Variants in ITPR2 observed in about 807,000 individuals in gnomAD.
The protein encoded by ITPR2 is inositol 1,4,5-trisphosphate-gated calcium channel ITPR2.
A neutral mutation model predicts 317.1 loss-of-function variants in ITPR2; 207 were observed. The ratio of observed to expected loss-of-function variants is 0.65; its 90% confidence interval spans 0.58 to 0.73. ITPR2 has a LOEUF of 0.73. Ranked by LOEUF, ITPR2 falls within the 30% of genes least tolerant of loss-of-function variation. The pLI, the probability that ITPR2 is intolerant of heterozygous loss-of-function variation, is 0.00. For synonymous variants in ITPR2, 1,156 were observed against 1,149.1 expected, an observed-to-expected ratio of 1.01 and a Z score of -0.12; for missense variants, 2,613 against 3,284.0, an observed-to-expected ratio of 0.80 and a Z score of 4.99.
chr12:26,817,330 CAA>C (rs1950876472), intron 1 of ITPR2, among the ~76,000 whole-genome samples: 1 of 151,916 alleles, frequency 6.6e-6, no homozygotes, highest in Non-Finnish European at 1.5e-5. Context: ...TGTGAGCAAA[CAA>C]AAGAGAAACT....
At position 26,597,137 on chromosome 12, in the gene ITPR2, G is replaced by A; in HGVS notation, c.4003-3C>T. 6.2e-7 allele frequency: 1 copy of A among 1,613,362 alleles called. No homozygotes were observed. Among genetic ancestry groups the A allele is most frequent in the Non-Finnish European group, 8.5e-7 (1 of 1,179,820 alleles). ...ACGTCTTCACCCCCATTTATCAACT[G>A]AAATGATAATAAGAGAGTCTATGTA... On this transcript the variant is annotated splice_polypyrimidine_tract_variant and splice_region_variant and intron_variant, in intron 30 of 56. Coordinates refer to ENST00000381340, the MANE Select transcript of ITPR2 (RefSeq NM_002223.4).
chr12:26,354,326 G>A (rs1431771212), intron 55 of ITPR2, among the ~76,000 whole-genome samples: 1 of 152,102 alleles, frequency 6.6e-6, no homozygotes, highest in Non-Finnish European at 1.5e-5. Context: ...CCTTTTGATA[G>A]TATATTTTTA....
At chr12:26,583,565 G>C (rs571216166) in intron 32 of ITPR2, among the ~76,000 whole-genome samples, 21 of 152,130 alleles carry the variant, frequency 1.4e-4, no homozygotes, top group African/African-American at 4.8e-4. Flanking sequence ...TTTTATTCTA[G>C]TTTTTAACTC....
At chr12:26,462,690 G>A in intron 45 of ITPR2, among the ~76,000 whole-genome samples, 1 of 66,632 alleles carries the variant, frequency 1.5e-5, no homozygotes, top group African/African-American at 5.8e-5. Context: ...TTTTTTTTTT[G>A]AGACAGAGTT....
At chr12:26,796,981 G>C (rs781688592) in intron 1 of ITPR2, among the ~76,000 whole-genome samples, 1 of 152,116 alleles carries the variant, frequency 6.6e-6, no homozygotes, top group Non-Finnish European at 1.5e-5. Context: ...AGGTTGCAGT[G>C]AGCTGATATC....
At chr12:26,604,308 C>T (rs1946071608) in intron 26 of ITPR2, among the ~76,000 whole-genome samples, 1 of 152,170 alleles carries the variant, frequency 6.6e-6, no homozygotes, top group Non-Finnish European at 1.5e-5. Flanking sequence ...TTCACTTTAA[C>T]AAGTGACCCC....
rs559442533 is a variant in ITPR2 at position 26,640,797 on chromosome 12, G to A, written c.2741-8738C>T. On this transcript the variant is annotated intron_variant, in intron 21 of 56. Transcript: ENST00000381340. ...TTCAAATGCATAAATGCTTTATAAG[G>A]CATGTCACACACATTCATCCTAACG... 4.6e-5 allele frequency among the ~76,000 whole-genome samples: 7 copies of A among 152,232 alleles called. No homozygotes were observed. The South Asian group carries it at 1.5e-3, about 32-fold the overall frequency.
intron 48 of ITPR2, among the ~76,000 whole-genome samples, chr12:26,434,472 G>T (rs1180347659): frequency 6.6e-6 from 1 of 152,072 alleles, no homozygotes; most frequent in Non-Finnish European, 1.5e-5. Flanking sequence ...TGCCCAGAGG[G>T]GTGGCATTTC....
rs184267183 is a variant in ITPR2, at chr12:26,716,095, G to A, written c.624+49C>T. Reference sequence around the variant, plus strand: ...AACTATATTACTTTTTTCTCCCTCTGTCTCATGAGAAAAATGAACACATTC... The same window carrying A: ...AACTATATTACTTTTTTCTCCCTCTATCTCATGAGAAAAATGAACACATTC... On this transcript the variant is annotated intron_variant, in intron 6 of 56. Coordinates refer to ENST00000381340, the MANE Select transcript of ITPR2 (RefSeq NM_002223.4). 8.2e-6 allele frequency: 10 copies of A among 1,217,682 alleles called. No individual in the cohort carries two copies. In the African/African-American group the frequency reaches 1.5e-4, roughly 18 times the overall value. 75.4% of individuals were successfully genotyped at this position (1,217,682 alleles called of 1,614,324 possible). A position where few individuals can be genotyped will look rare whatever the true frequency, so the allele number is the denominator to read the frequency against.
chr12:26,411,660 T>TA (rs1467722045), intron 51 of ITPR2, among the ~76,000 whole-genome samples: 1 of 152,226 alleles, frequency 6.6e-6, no homozygotes, highest in African/African-American at 2.4e-5. Context: ...GTGGTTGAGA[T>TA]AAAGTATTAA....
At chr12:26,409,837 C>T (rs767561678) in intron 52 of ITPR2, among the ~76,000 whole-genome samples, 5 of 152,076 alleles carry the variant, frequency 3.3e-5, no homozygotes, top group Non-Finnish European at 5.9e-5. Flanking sequence ...GGGCAAAGAC[C>T]TCCTGTCTAT....
At chr12:26,477,037 G>C (rs1201813025) in intron 43 of ITPR2, 30 bp from the exon 44 acceptor site, 1 of 1,376,912 alleles carries the variant, frequency 7.3e-7, no homozygotes, top group Non-Finnish European at 1.0e-6. Context: ...TAATGTGCAT[G>C]CAAAGTCTAT....
chr12:26,337,428 G>A lies in ITPR2; in HGVS notation c.*1969C>T, dbSNP rs1937954751. The A allele has an allele frequency of 6.6e-6, 1 of 152,076 alleles. No individual in the cohort carries two copies. The highest frequency in any genetic ancestry group is 6.6e-5 in the Admixed American group (1 of 15,264). 9.4% of individuals were successfully genotyped at this position (152,076 alleles called of 1,614,324 possible). A position where few individuals can be genotyped will look rare whatever the true frequency, so the allele number is the denominator to read the frequency against. The stretch of plus-strand genomic sequence containing the variant: ...TTCTATTCTCTATCCATAAAACTCT[G>A]CCTGATTAAAATATTTTAAAGTGTA... On this transcript the variant is annotated 3_prime_UTR_variant, in exon 57 of 57. Coordinates refer to ENST00000381340, the MANE Select transcript of ITPR2 (RefSeq NM_002223.4).
chr12:26,665,957 T>C lies in ITPR2; in HGVS notation c.1504A>G (p.Asn502Asp). The change falls in exon 14 of 57, where the codon AAC (asparagine) becomes GAC (aspartate). Residue 502 changes from asparagine to aspartate, a missense_variant. By Grantham distance (23) the Asn-to-Asp change is conservative. Coordinates refer to ENST00000381340, the MANE Select transcript of ITPR2 (RefSeq NM_002223.4). ...CTCATCAATTTTTGACGCTCTCGGT[T>C]TGGCTTAGTGATAACCACATCCAGA... is the stretch of plus-strand genomic sequence containing the variant. ...EVLDVVITKP[N>D]RERQKLMREQ... 1 of 1,613,992 alleles carries C rather than the reference T, an allele frequency of 6.2e-7. No homozygotes were observed. The highest frequency in any genetic ancestry group is 8.5e-7 in the Non-Finnish European group (1 of 1,179,930).
At chr12:26,452,295 A>G (rs182938953) in intron 45 of ITPR2, among the ~76,000 whole-genome samples, 3 of 152,292 alleles carry the variant, frequency 2.0e-5, no homozygotes, top group Admixed American at 2.0e-4. Context: ...GTGTTTTTAA[A>G]GAATTTTTTT....
At chr12:26,681,522 C>T (rs111831972) in intron 13 of ITPR2, among the ~76,000 whole-genome samples, 9 of 152,054 alleles carry the variant, frequency 5.9e-5, no homozygotes, top group African/African-American at 2.2e-4. Context: ...CAGAGAAACA[C>T]AAACCTTCCT....
At chr12:26,742,986 G>A (rs1279213179) in intron 2 of ITPR2, among the ~76,000 whole-genome samples, 1 of 152,180 alleles carries the variant, frequency 6.6e-6, no homozygotes, top group Non-Finnish European at 1.5e-5. Context: ...GCTTCGCCAG[G>A]GCTGGGAGGA....
intron 37 of ITPR2, among the ~76,000 whole-genome samples, chr12:26,533,440 T>G (rs886380887): frequency 6.6e-6 from 1 of 152,234 alleles, no homozygotes; most frequent in Admixed American, 6.5e-5. Flanking sequence ...GTCAGCAAAA[T>G]GCGCACAAGA....
chr12:26,659,033 C>G, intron 16 of ITPR2, 80 bp downstream of exon 16: 1 of 1,177,888 alleles, frequency 8.5e-7, no homozygotes, highest in Non-Finnish European at 1.2e-6. Context: ...TGAAAGAACT[C>G]TAACTTTTAA....
Sources: gnomAD v4.1 joint callset for allele counts (sites outside exome capture counted in the v4.1 genomes callset) on GRCh38, gnomAD v4.1.1 for gene constraint, MANE v1.5 for transcripts, NCBI Gene and HGNC (gene_info 2026-07-23, HGNC 2026-07-21) for gene names.